The following MRPS28 variants were observed in gnomAD, a reference collection of about 807,000 sequenced individuals.
MRPS28 encodes the protein small ribosomal subunit protein bS1m.
MRPS28 carries 7 observed loss-of-function variants against 10.8 expected under a neutral mutation model. The ratio of observed to expected loss-of-function variants is 0.65; its 90% CI spans 0.37 to 1.22. MRPS28 has a LOEUF of 1.22. Among genes scored for constraint, MRPS28 ranks in the 50% most tolerant of loss-of-function variants. MRPS28 has a pLI of 0.02. For missense variants in MRPS28, 265 were observed against 232.9 expected (o/e 1.14, Z -0.90); for synonymous variants, 121 against 93.3 (o/e 1.30, Z -1.71).
intron 2 of MRPS28, among the ~76,000 whole-genome samples, chr8:80,001,680 G>C (rs1019726173): frequency 6.6e-6 from 1 of 152,122 alleles, no homozygotes; most frequent in Non-Finnish European, 1.5e-5. Context: ...AACTAAGCTT[G>C]TATGATATTT....
At chr8:80,009,979 T>C (rs1297994527) in intron 1 of MRPS28, among the ~76,000 whole-genome samples, 1 of 152,226 alleles carries the variant, frequency 6.6e-6, no homozygotes, top group Non-Finnish European at 1.5e-5. Flanking sequence ...TCCTGATACA[T>C]AATTCTTTTT....
chr8:80,002,833 T>A (rs769785916), intron 2 of MRPS28, among the ~76,000 whole-genome samples, 166 bp downstream of exon 2: 1 of 152,240 alleles, frequency 6.6e-6, no homozygotes, highest in Non-Finnish European at 1.5e-5. Context: ...TGGCCTGACA[T>A]GACCAACAAG....
intron 2 of MRPS28, among the ~76,000 whole-genome samples, chr8:80,001,480 G>A (rs1305990743): frequency 6.6e-6 from 1 of 152,110 alleles, no homozygotes. Flanking sequence ...TAATAACAAT[G>A]CAATGAAAAT....
At chr8:80,003,436 C>T (rs1296113690) in intron 1 of MRPS28, among the ~76,000 whole-genome samples, 1 of 152,142 alleles carries the variant, frequency 6.6e-6, no homozygotes, top group East Asian at 1.9e-4. Context: ...GAGGCCGAGG[C>T]AGGTGGATCA....
chr8:79,950,296 G>A (rs1376364916), intron 2 of MRPS28, among the ~76,000 whole-genome samples: 3 of 152,060 alleles, frequency 2.0e-5, no homozygotes, highest in Non-Finnish European at 2.9e-5. Flanking sequence ...GGTCTTCAAT[G>A]CATTCTCTAG....
chr8:80,006,344 C>T (rs900474799), intron 1 of MRPS28, among the ~76,000 whole-genome samples: 9 of 152,194 alleles, frequency 5.9e-5, no homozygotes, highest in Admixed American at 2.0e-4. Flanking sequence ...AACCGCTCAA[C>T]TACATGGAAA....
intron 2 of MRPS28, among the ~76,000 whole-genome samples, chr8:79,984,770 TA>T (rs1251482002): frequency 6.6e-6 from 1 of 152,150 alleles, no homozygotes; most frequent in African/African-American, 2.4e-5. Context: ...CCCAGATTCA[TA>T]AAGCAAGTCC....
chr8:79,989,471 G>A (rs1387079176), intron 2 of MRPS28, among the ~76,000 whole-genome samples: 3 of 152,144 alleles, frequency 2.0e-5, no homozygotes, highest in African/African-American at 7.2e-5. Context: ...TACGAGAAAT[G>A]AATGAAAGAA....
intron 2 of MRPS28, among the ~76,000 whole-genome samples, chr8:79,964,662 T>TA (rs541453782): frequency 6.0e-5 from 9 of 150,170 alleles, no homozygotes; most frequent in African/African-American, 7.3e-5. Flanking sequence ...TTTCTTTATT[T>TA]AAAAAAAAAA....
chr8:79,975,044 G>C (rs1335392391), intron 2 of MRPS28, among the ~76,000 whole-genome samples: 1 of 152,100 alleles, frequency 6.6e-6, no homozygotes, highest in East Asian at 1.9e-4. Flanking sequence ...CAGCACTTTG[G>C]GAGGTCAAGA....
At chr8:79,938,257 C>T (rs1215106930) in intron 2 of MRPS28, among the ~76,000 whole-genome samples, 1 of 152,044 alleles carries the variant, frequency 6.6e-6, no homozygotes, top group Non-Finnish European at 1.5e-5. Flanking sequence ...TCCTATTTGC[C>T]ACACATCGTG....
chr8:80,007,767 A>G (rs1808897615), intron 1 of MRPS28, among the ~76,000 whole-genome samples: 1 of 152,210 alleles, frequency 6.6e-6, no homozygotes. Context: ...TCAACGAAAT[A>G]AAAGAGGATA....
chr8:79,988,465 G>A (rs1211823499), intron 2 of MRPS28, among the ~76,000 whole-genome samples: 2 of 150,498 alleles, frequency 1.3e-5, no homozygotes, highest in Non-Finnish European at 3.0e-5. Flanking sequence ...ATTAAAAAAA[G>A]AAAGAAACCT....
intron 1 of MRPS28, among the ~76,000 whole-genome samples, chr8:80,011,622 A>G (rs930558526): frequency 9.2e-5 from 14 of 151,960 alleles, no homozygotes; most frequent in African/African-American, 3.1e-4. Flanking sequence ...GCATGGTGGC[A>G]TGTGCCTGTA....
chr8:79,937,560 A>C (rs905298675), intron 2 of MRPS28, among the ~76,000 whole-genome samples: 12 of 152,230 alleles, frequency 7.9e-5, no homozygotes, highest in Non-Finnish European at 1.5e-4. Context: ...AGAAGGTTGA[A>C]ACAATATAAA....
At chr8:79,939,843 G>A (rs1434471952) in intron 2 of MRPS28, among the ~76,000 whole-genome samples, 8 of 151,986 alleles carry the variant, frequency 5.3e-5, no homozygotes, top group African/African-American at 9.7e-5. Context: ...GGTGGCGGGC[G>A]CCTGTAGTCC....
intron 2 of MRPS28, among the ~76,000 whole-genome samples, chr8:79,954,463 TA>T (rs1175623141): frequency 6.6e-6 from 1 of 152,158 alleles, no homozygotes; most frequent in African/African-American, 2.4e-5. Context: ...GTTGCTTGAT[TA>T]GGGCTTAGTC....
chr8:79,949,415 A>C (rs1228183641), intron 2 of MRPS28, among the ~76,000 whole-genome samples: 1 of 141,880 alleles, frequency 7.0e-6, no homozygotes, highest in East Asian at 1.9e-4. Flanking sequence ...CTCCGTCTCA[A>C]AAAAAAAAAA....
At chr8:80,005,414 T>C (rs1808807840) in intron 1 of MRPS28, among the ~76,000 whole-genome samples, 1 of 151,918 alleles carries the variant, frequency 6.6e-6, no homozygotes, top group Admixed American at 6.6e-5. Flanking sequence ...AGAAATAAAA[T>C]CCTTTACAGA....
Sources: allele counts gnomAD v4.1 joint callset (sites outside exome capture counted in the v4.1 genomes callset), GRCh38; gene constraint gnomAD v4.1.1; transcripts MANE v1.5; gene names NCBI Gene and HGNC (gene_info 2026-07-23, HGNC 2026-07-21).